VAV2: variants seen among roughly 807,000 people sequenced by gnomAD.
VAV2 encodes vav guanine nucleotide exchange factor 2.
VAV2 carries 67 observed loss-of-function variants against 132.5 expected under a neutral mutation model. The ratio of observed to expected loss-of-function variants is 0.51; its 90% CI spans 0.42 to 0.62. VAV2 has a LOEUF of 0.62. VAV2 is among the 20% of genes least tolerant of loss of function. VAV2 has a pLI of 0.00. For synonymous variants in VAV2, 492 were observed against 443.5 expected (o/e 1.11, Z -1.37); for missense variants, 938 against 1,153.6 (o/e 0.81, Z 2.71).
intron 1 of VAV2, among the ~76,000 whole-genome samples, chr9:133,963,650 G>C (rs1842034560): frequency 6.6e-6 from 1 of 152,182 alleles, no homozygotes; most frequent in Non-Finnish European, 1.5e-5. Context: ...ATTGAAACAA[G>C]AATATAAAAC....
At chr9:133,811,112 C>T (rs907300491) in intron 5 of VAV2, among the ~76,000 whole-genome samples, 1 of 152,212 alleles carries the variant, frequency 6.6e-6, no homozygotes, top group African/African-American at 2.4e-5. Context: ...GCCCTGCTGC[C>T]TCCACAAAGG....
chr9:133,785,121 G>C (rs981332125), intron 17 of VAV2, among the ~76,000 whole-genome samples: 1 of 152,044 alleles, frequency 6.6e-6, no homozygotes, highest in Admixed American at 6.6e-5. Context: ...GTGTCCAATG[G>C]TTCCCTTTCG....
intron 7 of VAV2, 122 bp from the exon 8 acceptor site, chr9:133,807,448 T>C: frequency 1.0e-6 from 1 of 954,328 alleles, no homozygotes; most frequent in Middle Eastern, 2.5e-4. Flanking sequence ...CCATGCTTAC[T>C]GGGGTAGCCT....
At chr9:133,950,726 C>T (rs1166162005) in intron 1 of VAV2, among the ~76,000 whole-genome samples, 7 of 152,188 alleles carry the variant, frequency 4.6e-5, no homozygotes, top group Admixed American at 6.5e-5. Flanking sequence ...CTCGGCCCTC[C>T]GGGTTGCTCT....
At chr9:133,888,186 T>A (rs1158708529) in intron 2 of VAV2, among the ~76,000 whole-genome samples, 1 of 151,668 alleles carries the variant, frequency 6.6e-6, no homozygotes, top group Admixed American at 6.6e-5. Context: ...CAAGCAGAAG[T>A]GGGGAGCCAG....
intron 29 of VAV2, among the ~76,000 whole-genome samples, chr9:133,765,602 C>A (rs1184179960): frequency 6.6e-6 from 1 of 152,196 alleles, no homozygotes; most frequent in Non-Finnish European, 1.5e-5. Flanking sequence ...AGGATCACAG[C>A]AAGTCAATGC....
chr9:133,813,348 C>A (rs1320990179), intron 4 of VAV2, among the ~76,000 whole-genome samples: 1 of 152,258 alleles, frequency 6.6e-6, no homozygotes, highest in Non-Finnish European at 1.5e-5. Flanking sequence ...GGGGCAGGAG[C>A]AATCCCTGCG....
chr9:133,818,210 C>CA (rs201541633), intron 4 of VAV2, among the ~76,000 whole-genome samples: 9,970 of 151,930 alleles, frequency 0.066, 433 homozygotes, highest in Non-Finnish European at 0.096. Context: ...TAAAAAAATA[C>CA]AAAAAATTAG....
intron 29 of VAV2, among the ~76,000 whole-genome samples, chr9:133,765,239 T>C (rs1278211812): frequency 6.6e-6 from 1 of 152,244 alleles, no homozygotes; most frequent in African/African-American, 2.4e-5. Flanking sequence ...AGAAACAGGA[T>C]ATTTACCTAA....
intron 2 of VAV2, among the ~76,000 whole-genome samples, chr9:133,938,205 A>G (rs902539974): frequency 1.3e-5 from 2 of 152,092 alleles, no homozygotes; most frequent in Non-Finnish European, 2.9e-5. Context: ...GTGGAAATCC[A>G]TTCTCCCGGT....
Position 133,896,986 on chromosome 9 carries a change from CG to C in VAV2, c.322-35555del, listed in dbSNP as rs529212454. Among the ~76,000 whole-genome samples the C allele has an allele frequency of 2.3e-3, 346 of 151,952 alleles. 3 individuals carry two copies. The highest frequency in any genetic ancestry group is 8.0e-3 in the African/African-American group (331 of 41,394). On this transcript the variant is annotated intron_variant, in intron 2 of 29. Transcript: ENST00000371850. ...GCGGGCGCCTGTAGTCCCAGCTACT[CG>C]GGAGGCTGAGGCAGGAGAATGGTGT...
Position 133,935,956 on chromosome 9 carries a change from A to C in VAV2, c.321+3147T>G, listed in dbSNP as rs189614144. ...ACATTCACGCGGGCTCCAGGAGGCA[A>C]AGGGCATGGCTCAGATGCGGAGACC... is the stretch of plus-strand genomic sequence containing the variant. On this transcript the variant is annotated intron_variant, in intron 2 of 29. Coordinates refer to ENST00000371850, the MANE Select transcript of VAV2 (RefSeq NM_001134398.2). The surrounding 1 kb of genome is among the most constrained non-coding windows in gnomAD (Gnocchi z 5.2). Among the ~76,000 whole-genome samples, 22 of 152,336 alleles carry C rather than the reference A, an allele frequency of 1.4e-4. 1 individual carries two copies. The highest frequency in any genetic ancestry group is 1.4e-3 in the Admixed American group (21 of 15,310).
Position 133,796,453 on chromosome 9 carries a change from C to A in VAV2, c.1008G>T (p.Val336=). 6.2e-7 allele frequency: 1 copy of A among 1,613,666 alleles called. No homozygotes were observed. Among genetic ancestry groups the A allele is most frequent in the Non-Finnish European group, 8.5e-7 (1 of 1,179,908 alleles). Reference sequence around the variant, plus strand: ...CCTTCAAGAGCAGGTGGTATTTGAGCACCCTCTGCATGGGGACCACCAGCA... The same window carrying A: ...CCTTCAAGAGCAGGTGGTATTTGAGAACCCTCTGCATGGGGACCACCAGCA... ...QDLLVVPMQR[V]LKYHLLLKEL... Residue 336 remains valine, a synonymous_variant, in exon 11 of 30, where the codon GTG becomes GTT. Coordinates refer to ENST00000371850, the MANE Select transcript of VAV2 (RefSeq NM_001134398.2).
chr9:133,896,796 CA>C (rs34984224), intron 2 of VAV2, among the ~76,000 whole-genome samples: 6 of 151,384 alleles, frequency 4.0e-5, no homozygotes, highest in Admixed American at 1.3e-4. Context: ...TAAGAAACTT[CA>C]AAAAAAAATC....
At chr9:133,937,901 G>A (rs1201787032) in intron 2 of VAV2, among the ~76,000 whole-genome samples, 1 of 152,158 alleles carries the variant, frequency 6.6e-6, no homozygotes, top group East Asian at 1.9e-4. Context: ...CACAGAGATG[G>A]GCTCATGAAG....
At chr9:133,949,279 G>A (rs534440155) in intron 1 of VAV2, among the ~76,000 whole-genome samples, 4 of 152,240 alleles carry the variant, frequency 2.6e-5, no homozygotes, top group Middle Eastern at 6.8e-3. Context: ...CTCCTTCCCC[G>A]AGGACGCCCT....
At position 133,857,671 on chromosome 9, in the gene VAV2, C is replaced by T. The variant is rs778629681; in HGVS notation, c.380+3703G>A. On this transcript the variant is annotated intron_variant, in intron 3 of 29. Transcript: ENST00000371850. This position sits in a 1 kb window ranked among gnomAD's most constrained non-coding sequence, Gnocchi z 4.0. ...GGCTGCCCCCAGAAGGTTCAATTCC[C>T]CATGGAAATCCCAGCCCATCCGGAG... Among the ~76,000 whole-genome samples, 2 of 152,188 alleles carry T rather than the reference C, an allele frequency of 1.3e-5. No homozygotes were observed. Among genetic ancestry groups the T allele is most frequent in the African/African-American group, 2.4e-5 (1 of 41,450 alleles).
chr9:133,853,445 C>G (rs116051254), intron 3 of VAV2, among the ~76,000 whole-genome samples: 3 of 152,122 alleles, frequency 2.0e-5, no homozygotes, highest in Non-Finnish European at 4.4e-5. Flanking sequence ...CCTGCCCCAG[C>G]GGCCTCTGCT....
At chr9:133,789,164 C>G in intron 14 of VAV2, 94 bp downstream of exon 14, 1 of 1,356,586 alleles carries the variant, frequency 7.4e-7, no homozygotes, top group East Asian at 2.3e-5. Context: ...CACAGGAAGG[C>G]CTGGCTTCCA....
Sources: allele counts gnomAD v4.1 joint callset (sites outside exome capture counted in the v4.1 genomes callset), GRCh38; gene constraint gnomAD v4.1.1; non-coding constraint Gnocchi (gnomAD v3.1); transcripts MANE v1.5; gene names NCBI Gene and HGNC (gene_info 2026-07-23, HGNC 2026-07-21).